SLC30A8: variants seen among roughly 807,000 people sequenced by gnomAD.
The protein encoded by SLC30A8 is solute carrier family 30 member 8.
SLC30A8 carries 27 observed loss-of-function variants against 36.9 expected under a neutral mutation model. That is an observed-to-expected ratio of 0.73 (90% CI 0.54 to 1.01). The LOEUF (loss-of-function observed/expected upper bound fraction) is 1.01, where lower values mean the gene tolerates loss of function less well. SLC30A8 is among the 50% of genes least tolerant of loss of function. The pLI is 0.00. For missense variants in SLC30A8, 439 were observed against 452.0 expected, an observed-to-expected ratio of 0.97 and a Z score of 0.26; for synonymous variants, 164 against 172.4, an observed-to-expected ratio of 0.95 and a Z score of 0.38.
upstream of SLC30A8, among the ~76,000 whole-genome samples, chr8:117,130,597 G>T (rs1032527976): frequency 3.3e-5 from 5 of 151,706 alleles, no homozygotes; most frequent in Admixed American, 3.3e-4. Flanking sequence ...ATAGACCAAG[G>T]GGTTGGAATA....
chr8:116,991,325 G>A (rs771394831), intron 1 of SLC30A8, among the ~76,000 whole-genome samples: 2 of 145,530 alleles, frequency 1.4e-5, no homozygotes, highest in Non-Finnish European at 3.0e-5. Context: ...TTTTTTGTTT[G>A]AGACAGTTTT....
At chr8:116,978,741 A>G (rs974637100) in intron 1 of SLC30A8, among the ~76,000 whole-genome samples, 13 of 152,172 alleles carry the variant, frequency 8.5e-5, no homozygotes, top group African/African-American at 3.1e-4. Flanking sequence ...TGCATAGATA[A>G]TTATTTTCTG....
chr8:117,084,516 A>G (rs1447953956), intron 2 of SLC30A8, among the ~76,000 whole-genome samples: 3 of 152,080 alleles, frequency 2.0e-5, no homozygotes, highest in Non-Finnish European at 2.9e-5. Flanking sequence ...TTACCTCCTA[A>G]TCTTCCTTGT....
intron 3 of SLC30A8, among the ~76,000 whole-genome samples, chr8:117,157,166 C>A (rs1405725903): frequency 5.9e-5 from 9 of 152,200 alleles, no homozygotes; most frequent in African/African-American, 1.9e-4. Context: ...TCTGAGCTCA[C>A]CTCTGTGTTT....
chr8:117,015,028 T>G (rs946278443), intron 1 of SLC30A8, among the ~76,000 whole-genome samples: 3 of 150,538 alleles, frequency 2.0e-5, no homozygotes, highest in Admixed American at 6.6e-5. Flanking sequence ...TATATATATA[T>G]AGATATACCG....
intron 1 of SLC30A8, among the ~76,000 whole-genome samples, chr8:117,146,633 G>A (rs780363282): frequency 6.6e-5 from 10 of 152,228 alleles, no homozygotes; most frequent in Non-Finnish European, 1.0e-4. Context: ...TCTTTTTAGA[G>A]TGAAATAACT....
chr8:117,093,183 ATCCT>A (rs1819206275), intron 2 of SLC30A8, among the ~76,000 whole-genome samples: 1 of 151,940 alleles, frequency 6.6e-6, no homozygotes, highest in Non-Finnish European at 1.5e-5. Flanking sequence ...TGGCCCAGGT[ATCCT>A]TCTCTTAGAA....
chr8:117,043,336 T>A (rs901570007), intron 2 of SLC30A8, among the ~76,000 whole-genome samples: 1 of 152,138 alleles, frequency 6.6e-6, no homozygotes, highest in Non-Finnish European at 1.5e-5. Context: ...ATGGGCTTCG[T>A]TGGTCAGGAG....
chr8:116,967,509 A>G (rs1814637928), intron 1 of SLC30A8, among the ~76,000 whole-genome samples: 2 of 152,282 alleles, frequency 1.3e-5, no homozygotes, highest in East Asian at 1.9e-4. Flanking sequence ...ATTATGCTAC[A>G]TTTTACCTCC....
chr8:117,131,416 T>C (rs1821134847), upstream of SLC30A8, among the ~76,000 whole-genome samples: 1 of 152,026 alleles, frequency 6.6e-6, no homozygotes, highest in South Asian at 2.1e-4. Flanking sequence ...CCAGAATCTT[T>C]AGTGGGTGAT....
rs547009714 is a variant in SLC30A8 at position 117,108,918 on chromosome 8, A to C, written c.-225-26362A>C. Among the ~76,000 whole-genome samples the C allele has an allele frequency of 1.1e-4, 17 of 152,314 alleles. No homozygotes were observed. In the South Asian group the frequency reaches 3.1e-3, roughly 28 times the overall value. ...TTAACAAATTCACATTTCAGCTTTC[A>C]GCGTCACCCTTTTATTGGAATACTT... On this transcript the variant is annotated intron_variant, in intron 2 of 10. Transcript: ENST00000427715.
At chr8:117,110,582 G>A (rs796858445) in intron 2 of SLC30A8, among the ~76,000 whole-genome samples, 8 of 152,270 alleles carry the variant, frequency 5.3e-5, no homozygotes, top group Non-Finnish European at 8.8e-5. Flanking sequence ...GGCACATGAC[G>A]AAGCCTTTCC....
chr8:117,160,000 T>C (rs1822695127), intron 4 of SLC30A8, among the ~76,000 whole-genome samples: 1 of 152,232 alleles, frequency 6.6e-6, no homozygotes, highest in South Asian at 2.1e-4. Context: ...GCCTTCTTTG[T>C]GCAAGTAGAT....
At chr8:117,158,699 G>T (rs1270784344) in intron 4 of SLC30A8, among the ~76,000 whole-genome samples, 1 of 152,136 alleles carries the variant, frequency 6.6e-6, no homozygotes, top group Non-Finnish European at 1.5e-5. Context: ...TTGAGGCCAG[G>T]ACTTTGATTT....
chr8:116,978,781 TAAA>T (rs1815146413), intron 1 of SLC30A8, among the ~76,000 whole-genome samples: 1 of 152,210 alleles, frequency 6.6e-6, no homozygotes, highest in African/African-American at 2.4e-5. Context: ...CCAGTGGCCT[TAAA>T]AATGCATCAG....
intron 2 of SLC30A8, among the ~76,000 whole-genome samples, chr8:117,108,262 A>G (rs1319755437): frequency 6.6e-6 from 1 of 152,204 alleles, no homozygotes; most frequent in African/African-American, 2.4e-5. Context: ...CTGGTTGGGA[A>G]GTCTATAGAA....
intron 1 of SLC30A8, among the ~76,000 whole-genome samples, chr8:117,002,499 AT>A (rs200560733): frequency 3.9e-5 from 6 of 151,952 alleles, no homozygotes; most frequent in Admixed American, 6.6e-5. Context: ...TTAAAAATAC[AT>A]TTTTTTTCAA....
chr8:116,971,932 T>TTA (rs1359969380), intron 1 of SLC30A8, among the ~76,000 whole-genome samples: 1 of 152,208 alleles, frequency 6.6e-6, no homozygotes, highest in Non-Finnish European at 1.5e-5. Context: ...TCTCTGAAAT[T>TTA]TAGTAGGTGA....
Position 117,157,797 on chromosome 8 carries a change from G to A in SLC30A8, c.525G>A (p.Ala175=), listed in dbSNP as rs776248662. 6.8e-6 allele frequency: 11 copies of A among 1,614,098 alleles called. No individual in the cohort carries two copies. The highest frequency in any genetic ancestry group is 2.2e-5 in the South Asian group (2 of 91,078). The change falls in exon 4 of 8, where the codon GCG becomes GCA. Residue 175 remains alanine (A), a synonymous_variant. Coordinates refer to ENST00000456015, the MANE Select transcript of SLC30A8 (RefSeq NM_173851.3). ...RLLYPDYQIQ[A]TVMIIVSSCA... Reference sequence around the variant, plus strand: ...TGTATCCTGATTACCAGATCCAGGCGACTGTGATGATCATCGTTTCCAGCT... The same window carrying A: ...TGTATCCTGATTACCAGATCCAGGCAACTGTGATGATCATCGTTTCCAGCT...
Sources: gnomAD v4.1 joint callset for allele counts (sites outside exome capture counted in the v4.1 genomes callset) on GRCh38, gnomAD v4.1.1 for gene constraint, MANE v1.5 for transcripts, NCBI Gene and HGNC (gene_info 2026-07-23, HGNC 2026-07-21) for gene names.